ERC2: variants seen among roughly 807,000 people sequenced by gnomAD.
The protein encoded by ERC2 is ERC protein 2.
Under a neutral mutation model 114.8 loss-of-function variants are expected in ERC2, and 42 were observed. The ratio of observed to expected loss-of-function variants is 0.37; its 90% confidence interval spans 0.29 to 0.47. ERC2 has a LOEUF of 0.47. Ranked by LOEUF, ERC2 falls within the 20% of genes least tolerant of loss-of-function variation. ERC2 has a pLI of 0.99. For missense variants in ERC2, 939 were observed against 1,150.7 expected (o/e 0.82, Z 2.66); for synonymous variants, 454 against 425.5 (o/e 1.07, Z -0.82).
chr3:56,303,672 G>A (rs777469838), intron 2 of ERC2, among the ~76,000 whole-genome samples: 6 of 152,194 alleles, frequency 3.9e-5, no homozygotes, highest in Non-Finnish European at 7.3e-5. Context: ...CTTCTTATAA[G>A]GAGCAAATGC....
intron 17 of ERC2, among the ~76,000 whole-genome samples, chr3:55,567,931 C>T (rs1292306593): frequency 6.6e-6 from 1 of 152,130 alleles, no homozygotes. Flanking sequence ...GATGGCTTCC[C>T]TCTTTGGGCC....
intron 17 of ERC2, among the ~76,000 whole-genome samples, chr3:55,618,906 C>T (rs905656555): frequency 2.0e-5 from 3 of 152,170 alleles, no homozygotes; most frequent in Non-Finnish European, 4.4e-5. Flanking sequence ...TATCCTTTCT[C>T]GAGGAGGCAG....
At chr3:55,787,354 A>T (rs899155288) in intron 14 of ERC2, among the ~76,000 whole-genome samples, 5 of 152,062 alleles carry the variant, frequency 3.3e-5, no homozygotes, top group African/African-American at 4.8e-5. Context: ...GAGTTGGAAG[A>T]TGTGGAAAGT....
intron 14 of ERC2, among the ~76,000 whole-genome samples, chr3:55,857,534 A>G (rs2061843934): frequency 6.6e-6 from 1 of 152,240 alleles, no homozygotes; most frequent in Non-Finnish European, 1.5e-5. Context: ...ATCACCTCCA[A>G]GAAAATTGCT....
chr3:56,119,228 C>G (rs1039307679), intron 6 of ERC2, among the ~76,000 whole-genome samples: 2 of 152,338 alleles, frequency 1.3e-5, no homozygotes, highest in South Asian at 4.1e-4. Context: ...ACAGACCACA[C>G]TATCTGACAT....
chr3:55,866,450 CA>C (rs1184646197), intron 14 of ERC2, among the ~76,000 whole-genome samples: 1 of 152,126 alleles, frequency 6.6e-6, no homozygotes, highest in Non-Finnish European at 1.5e-5. Context: ...GTTTGTAGCA[CA>C]AAAGTTTTTA....
chr3:55,740,893 C>T (rs2065929933), intron 14 of ERC2, among the ~76,000 whole-genome samples: 1 of 152,142 alleles, frequency 6.6e-6, no homozygotes, highest in Admixed American at 6.6e-5. Context: ...ACCAACAGGA[C>T]ATTCAAAGAC....
At position 55,683,877 on chromosome 3, in the gene ERC2, T is replaced by TTG; in HGVS notation, c.2848-19_2848-18insCA. The TTG allele has an allele frequency of 1.2e-6, 2 of 1,609,782 alleles. No homozygotes were observed. Among genetic ancestry groups the TTG allele is most frequent in the Non-Finnish European group, 1.7e-6 (2 of 1,178,306 alleles). ...TCGTCATCCTGCGGCCGGCCCGAGG[T>TTG]GGGGAGGTGCACAGAGAGGAGGGGA... is the stretch of plus-strand genomic sequence containing the variant. On this transcript the variant is annotated intron_variant, in intron 16 of 17. Coordinates refer to ENST00000288221, the MANE Select transcript of ERC2 (RefSeq NM_015576.3).
chr3:56,298,854 A>G (rs2055637878), intron 2 of ERC2, among the ~76,000 whole-genome samples: 1 of 152,196 alleles, frequency 6.6e-6, no homozygotes, highest in Non-Finnish European at 1.5e-5. Context: ...TGTATGGTAC[A>G]TAAATTATAT....
chr3:56,140,644 C>T (rs1173717129), intron 5 of ERC2, among the ~76,000 whole-genome samples: 1 of 152,154 alleles, frequency 6.6e-6, no homozygotes, highest in Non-Finnish European at 1.5e-5. Context: ...CATTCTTATA[C>T]ATATAACCTA....
At chr3:56,234,299 C>A (rs7621613) in intron 3 of ERC2, among the ~76,000 whole-genome samples, 1 of 152,006 alleles carries the variant, frequency 6.6e-6, no homozygotes, top group Admixed American at 6.5e-5. Flanking sequence ...AAGCAACTGC[C>A]TTAATAGCCA....
chr3:56,198,497 A>G (rs1274754577), intron 3 of ERC2, among the ~76,000 whole-genome samples: 1 of 152,314 alleles, frequency 6.6e-6, no homozygotes, highest in South Asian at 2.1e-4. Context: ...GATGATAGGT[A>G]GAGAAAGAAG....
intron 14 of ERC2, among the ~76,000 whole-genome samples, chr3:55,755,361 AT>A (rs1035407581): frequency 6.6e-6 from 1 of 152,160 alleles, no homozygotes; most frequent in Non-Finnish European, 1.5e-5. Flanking sequence ...AATAAAGATT[AT>A]TGTCAGGAAC....
intron 14 of ERC2, among the ~76,000 whole-genome samples, chr3:55,749,096 G>A (rs1424861472): frequency 6.6e-6 from 1 of 152,116 alleles, no homozygotes; most frequent in Non-Finnish European, 1.5e-5. Context: ...GTCTGCAGAA[G>A]GCCTTTTGCA....
chr3:55,698,487 C>T (rs2063051677), intron 16 of ERC2, among the ~76,000 whole-genome samples: 2 of 152,078 alleles, frequency 1.3e-5, no homozygotes, highest in African/African-American at 4.8e-5. Context: ...ATTAAACTGC[C>T]TCTTCACACA....
intron 2 of ERC2, among the ~76,000 whole-genome samples, chr3:56,424,778 T>C (rs2061503606): frequency 6.6e-6 from 1 of 152,182 alleles, no homozygotes; most frequent in Non-Finnish European, 1.5e-5. Flanking sequence ...GGAAGACTGT[T>C]TCAAGATGAG....
chr3:55,675,741 T>G (rs1167857909), intron 17 of ERC2, among the ~76,000 whole-genome samples: 1 of 152,082 alleles, frequency 6.6e-6, no homozygotes, highest in Non-Finnish European at 1.5e-5. Context: ...ACCCCACATT[T>G]GCATGTTCTA....
At chr3:56,367,623 T>C (rs748152748) in intron 2 of ERC2, among the ~76,000 whole-genome samples, 24 of 152,288 alleles carry the variant, frequency 1.6e-4, no homozygotes, top group Middle Eastern at 3.4e-3. Flanking sequence ...AATGAAGAGC[T>C]AGCAACTATT....
chr3:56,461,649 C>A (rs965660013), intron 1 of ERC2, among the ~76,000 whole-genome samples: 1 of 152,146 alleles, frequency 6.6e-6, no homozygotes, highest in Non-Finnish European at 1.5e-5. Flanking sequence ...AAAGATGATG[C>A]ACAAATAAAA....
Sources: gnomAD v4.1 joint callset for allele counts (sites outside exome capture counted in the v4.1 genomes callset) on GRCh38, gnomAD v4.1.1 for gene constraint, MANE v1.5 for transcripts, NCBI Gene and HGNC (gene_info 2026-07-23, HGNC 2026-07-21) for gene names.